AKAP6: variants seen among roughly 807,000 people sequenced by gnomAD.
AKAP6 encodes A-kinase anchoring protein 6.
Under a neutral mutation model 188.5 loss-of-function variants are expected in AKAP6, and 58 were observed. That is an observed-to-expected ratio of 0.31 (90% CI 0.25 to 0.38). The LOEUF is 0.38. Among genes scored for constraint, AKAP6 ranks in the 10% least tolerant of loss-of-function variants. The probability of loss-of-function intolerance (pLI) is 1.00; values close to 1 mark genes in which losing one functional copy is unlikely to be tolerated. For missense variants in AKAP6, 2,710 were observed against 2,740.0 expected (o/e 0.99, Z 0.24); for synonymous variants, 989 against 998.6 (o/e 0.99, Z 0.18).
chr14:32,436,513 C>T (rs1890383153), intron 2 of AKAP6, among the ~76,000 whole-genome samples: 1 of 152,220 alleles, frequency 6.6e-6, no homozygotes, highest in African/African-American at 2.4e-5. Flanking sequence ...CTCTCCAACA[C>T]TACTGCTGCC....
At chr14:32,342,995 T>A (rs1044809892) in intron 1 of AKAP6, among the ~76,000 whole-genome samples, 1 of 152,210 alleles carries the variant, frequency 6.6e-6, no homozygotes, top group East Asian at 1.9e-4. Context: ...TGCACACTAA[T>A]GTTCACAATA....
chr14:32,721,872 C>G (rs560415657), intron 9 of AKAP6, among the ~76,000 whole-genome samples: 5 of 152,244 alleles, frequency 3.3e-5, no homozygotes, highest in African/African-American at 9.6e-5. Flanking sequence ...GAAATTTAGG[C>G]TCTATCTCCC....
chr14:32,784,966 CAAG>C (rs2033357780), intron 12 of AKAP6, among the ~76,000 whole-genome samples: 1 of 140,424 alleles, frequency 7.1e-6, no homozygotes, highest in Non-Finnish European at 1.5e-5. Context: ...GAATTGAATA[CAAG>C]AAGAATCATA....
chr14:32,583,401 T>TG (rs1420160558), intron 5 of AKAP6, among the ~76,000 whole-genome samples: 5 of 152,082 alleles, frequency 3.3e-5, no homozygotes, highest in Non-Finnish European at 7.4e-5. Context: ...CTGCCCCTAC[T>TG]GGGGGGTGCC....
In AKAP6 at chr14:32,619,940, G is replaced by A. The variant is rs549091680; in HGVS notation, c.2730+19148G>A. On this transcript the variant is annotated intron_variant, in intron 7 of 13. Transcript: ENST00000280979. ...TTTGTTTTATTTTATTTCATTTGCA[G>A]CTATTATAAAAGGGATTGAGTTCTT... Among the ~76,000 whole-genome samples the A allele has an allele frequency of 2.6e-5, 4 of 152,108 alleles. No homozygotes were observed. The South Asian group carries it at 8.3e-4, about 32-fold the overall frequency.
intron 6 of AKAP6, 46 bp downstream of exon 6, chr14:32,599,552 T>C (rs1367799859): frequency 2.7e-6 from 4 of 1,471,278 alleles, no homozygotes; most frequent in Non-Finnish European, 3.8e-6. Context: ...TCCAGACTAT[T>C]AAGAATGAAG....
chr14:32,599,848 A>G (rs1566597629), intron 6 of AKAP6, among the ~76,000 whole-genome samples: 1 of 152,180 alleles, frequency 6.6e-6, no homozygotes, highest in Non-Finnish European at 1.5e-5. Context: ...CTGTATATAT[A>G]GTTATAATGC....
intron 7 of AKAP6, among the ~76,000 whole-genome samples, chr14:32,660,752 T>G (rs1477890651): frequency 1.3e-5 from 2 of 152,066 alleles, no homozygotes; most frequent in East Asian, 3.9e-4. Flanking sequence ...GGTTAGATGT[T>G]CACAGAGAAT....
Position 32,600,640 on chromosome 14 carries a change from A to G in AKAP6, c.2578A>G (p.Met860Val), listed in dbSNP as rs1438817232. ...IASHKAGLKD[M>V]LRMIASQWKE... is the part of the protein sequence containing the mutation. ...TCCTTTTGGAGAAGGACTGAAGGAC[A>G]TGCTGCGGATGATTGCAAGTCAATG... Residue 860 changes from methionine to valine, a missense_variant, in exon 7 of 14, where the codon ATG becomes GTG. Around this residue, in one of 2 missense-constraint regions of AKAP6, gnomAD observed 2,473 missense variants for 2,426.1 expected, o/e 1.02. Coordinates refer to ENST00000280979, the MANE Select transcript of AKAP6 (RefSeq NM_004274.5). The G allele has an allele frequency of 1.2e-6, 2 of 1,612,120 alleles. No individual in the cohort carries two copies. The highest frequency in any genetic ancestry group is 1.7e-6 in the Non-Finnish European group (2 of 1,179,040).
chr14:32,720,290 T>C (rs1181486924), intron 9 of AKAP6, among the ~76,000 whole-genome samples: 1 of 152,214 alleles, frequency 6.6e-6, no homozygotes, highest in East Asian at 1.9e-4. Context: ...AACATTTATG[T>C]TTTTATAGAT....
intron 13 of AKAP6, among the ~76,000 whole-genome samples, chr14:32,828,373 C>G (rs1002925374): frequency 1.3e-5 from 2 of 152,174 alleles, no homozygotes; most frequent in Non-Finnish European, 1.5e-5. Context: ...TCTTATCAAA[C>G]TTACCTTTAA....
At chr14:32,790,553 T>C (rs1438153748) in intron 12 of AKAP6, among the ~76,000 whole-genome samples, 1 of 152,110 alleles carries the variant, frequency 6.6e-6, no homozygotes, top group African/African-American at 2.4e-5. Flanking sequence ...TCAGAAGAGA[T>C]TGGGGGCTAA....
chr14:32,502,623 T>C (rs1233759376), intron 2 of AKAP6, among the ~76,000 whole-genome samples: 2 of 151,988 alleles, frequency 1.3e-5, no homozygotes, highest in Non-Finnish European at 2.9e-5. Context: ...TCTTCTCTTC[T>C]TGCATATTCT....
chr14:32,672,206 G>C (rs1295916374), intron 7 of AKAP6, among the ~76,000 whole-genome samples: 1 of 152,156 alleles, frequency 6.6e-6, no homozygotes, highest in Non-Finnish European at 1.5e-5. Context: ...AATTTGAAAA[G>C]GAGTATCTCT....
At chr14:32,351,771 G>A (rs1345330655) in intron 1 of AKAP6, among the ~76,000 whole-genome samples, 1 of 152,008 alleles carries the variant, frequency 6.6e-6, no homozygotes, top group African/African-American at 2.4e-5. Context: ...GTATGTATAT[G>A]TTTATATATA....
intron 7 of AKAP6, among the ~76,000 whole-genome samples, chr14:32,609,511 A>G (rs58884441): frequency 0.063 from 9,616 of 152,106 alleles, 982 homozygotes; most frequent in African/African-American, 0.21. Context: ...GTTCCAGGCC[A>G]TTTTGCATTG....
chr14:32,501,396 C>G (rs1370547067), intron 2 of AKAP6, among the ~76,000 whole-genome samples: 1 of 152,050 alleles, frequency 6.6e-6, no homozygotes. Context: ...TCTTCAGAAT[C>G]CAGTCAGCAG....
chr14:32,735,537 C>G lies in AKAP6; in HGVS notation c.3148-121C>G, dbSNP rs2031373004. The G allele has an allele frequency of 4.2e-6, 3 of 708,082 alleles. No individual in the cohort carries two copies. The African/African-American group carries it at 5.4e-5, about 13-fold the overall frequency. 43.9% of individuals were successfully genotyped at this position (708,082 alleles called of 1,614,324 possible). On this transcript the variant is annotated intron_variant, in intron 10 of 13. Coordinates refer to ENST00000280979, the MANE Select transcript of AKAP6 (RefSeq NM_004274.5). ...GGACTCTTCCAGGTGGCTCTCGTTACCAACAAAACTGTGGTGTGTTTTTGG... is the reference window on the plus strand; with the variant it reads ...GGACTCTTCCAGGTGGCTCTCGTTAGCAACAAAACTGTGGTGTGTTTTTGG...
At chr14:32,359,640 T>C (rs1203644438) in intron 1 of AKAP6, among the ~76,000 whole-genome samples, 1 of 151,964 alleles carries the variant, frequency 6.6e-6, no homozygotes, top group African/African-American at 2.4e-5. Flanking sequence ...TTAGTTACCC[T>C]ATGTCCTTAG....
Sources: gnomAD v4.1 joint callset for allele counts (sites outside exome capture counted in the v4.1 genomes callset) on GRCh38, gnomAD v4.1.1 for gene constraint, gnomAD v4.1.1 regional missense constraint, MANE v1.5 for transcripts, NCBI Gene and HGNC (gene_info 2026-07-23, HGNC 2026-07-21) for gene names.